The following PAN3 variants were observed in gnomAD, a reference collection of about 807,000 sequenced individuals.
The protein encoded by PAN3 is poly(A) specific ribonuclease subunit PAN3.
A neutral mutation model predicts 96.2 loss-of-function variants in PAN3; 19 were observed. The observed-to-expected ratio is 0.20, with a 90% CI of 0.14 to 0.29. The LOEUF is 0.29. Among genes scored for constraint, PAN3 ranks in the 10% least tolerant of loss-of-function variants. The pLI is 1.00. For missense variants in PAN3, 882 were observed against 1,108.1 expected (o/e 0.80, Z 2.90); for synonymous variants, 433 against 406.6 (o/e 1.06, Z -0.78).
intron 6 of PAN3, among the ~76,000 whole-genome samples, chr13:28,244,298 T>C (rs766383394): frequency 1.1e-4 from 17 of 152,208 alleles, no homozygotes; most frequent in Non-Finnish European, 2.1e-4. Context: ...CATAACAGCA[T>C]ATTTTAAAAA....
At chr13:28,248,812 A>G (rs965957373) in intron 6 of PAN3, among the ~76,000 whole-genome samples, 15 of 152,234 alleles carry the variant, frequency 9.9e-5, no homozygotes, top group African/African-American at 3.1e-4. Context: ...AAGGCTTTTA[A>G]CTTTTCTCAT....
intron 1 of PAN3, among the ~76,000 whole-genome samples, chr13:28,150,655 G>T (rs1039166175): frequency 4.8e-5 from 7 of 147,062 alleles, no homozygotes; most frequent in Admixed American, 2.0e-4. Context: ...AAAAAAAAAA[G>T]ATTTAATGTA....
chr13:28,220,127 T>C, intron 5 of PAN3, 104 bp from the exon 6 acceptor site: 1 of 1,089,330 alleles, frequency 9.2e-7, no homozygotes, highest in South Asian at 2.1e-5. Context: ...CTTTCAATAA[T>C]ATATTTTACT....
At chr13:28,263,954 CTA>C (rs1368506480) in intron 9 of PAN3, among the ~76,000 whole-genome samples, 8 of 152,150 alleles carry the variant, frequency 5.3e-5, no homozygotes, top group African/African-American at 1.9e-4. Flanking sequence ...AAACACCGCC[CTA>C]TGTTTCTGAC....
chr13:28,140,220 T>C (rs1869520446), intron 1 of PAN3, among the ~76,000 whole-genome samples: 1 of 152,158 alleles, frequency 6.6e-6, no homozygotes, highest in Non-Finnish European at 1.5e-5. Flanking sequence ...AGTGTGTTGT[T>C]ATCTATTGAC....
intron 1 of PAN3, among the ~76,000 whole-genome samples, chr13:28,157,436 A>G (rs530852067): frequency 9.2e-5 from 14 of 152,308 alleles, no homozygotes; most frequent in African/African-American, 3.1e-4. Flanking sequence ...TCTGTATATG[A>G]TATGATTTTA....
At chr13:28,188,707 T>C (rs1444372345) in intron 4 of PAN3, among the ~76,000 whole-genome samples, 5 of 152,240 alleles carry the variant, frequency 3.3e-5, no homozygotes, top group African/African-American at 9.6e-5. Context: ...ATTCACGGCA[T>C]TGGAAACTTT....
At chr13:28,245,247 G>A (rs911611705) in intron 6 of PAN3, among the ~76,000 whole-genome samples, 1 of 152,126 alleles carries the variant, frequency 6.6e-6, no homozygotes, top group Non-Finnish European at 1.5e-5. Context: ...TAACAAATGA[G>A]TGTTTATTCC....
At chr13:28,166,007 G>T (rs1181997966) in intron 1 of PAN3, among the ~76,000 whole-genome samples, 3 of 152,186 alleles carry the variant, frequency 2.0e-5, no homozygotes, top group Non-Finnish European at 4.4e-5. Flanking sequence ...GGGACATTCA[G>T]ACCATTGCAT....
chr13:28,263,007 C>T (rs2138629112), intron 9 of PAN3, among the ~76,000 whole-genome samples: 1 of 152,128 alleles, frequency 6.6e-6, no homozygotes, highest in Admixed American at 6.5e-5. Flanking sequence ...CATGTAGATC[C>T]AGTAGAATTC....
chr13:28,187,219 T>C (rs1302700130), intron 4 of PAN3, among the ~76,000 whole-genome samples: 1 of 151,948 alleles, frequency 6.6e-6, no homozygotes, highest in Non-Finnish European at 1.5e-5. Context: ...CCCAGCTACT[T>C]GGGAGACTGA....
chr13:28,246,581 A>G (rs972183665), intron 6 of PAN3, among the ~76,000 whole-genome samples: 3 of 152,010 alleles, frequency 2.0e-5, no homozygotes, highest in Non-Finnish European at 2.9e-5. Context: ...TCCCCCACCC[A>G]CCAACACTTC....
chr13:28,141,003 CTTTTT>C (rs979248659), intron 1 of PAN3, among the ~76,000 whole-genome samples: 2 of 112,910 alleles, frequency 1.8e-5, no homozygotes, highest in South Asian at 5.9e-4. Flanking sequence ...GAAAGAGACA[CTTTTT>C]TTTTTTTTTT....
chr13:28,259,038 GACTA>G (rs1885454251), intron 7 of PAN3, among the ~76,000 whole-genome samples: 1 of 152,110 alleles, frequency 6.6e-6, no homozygotes, highest in Non-Finnish European at 1.5e-5. Context: ...ACAGAAGGCT[GACTA>G]TGTGACATTT....
chr13:28,164,097 C>A (rs1028990603), intron 1 of PAN3, among the ~76,000 whole-genome samples: 4 of 152,044 alleles, frequency 2.6e-5, no homozygotes, highest in African/African-American at 7.2e-5. Flanking sequence ...AAAACAAAAC[C>A]AAACCAAAAC....
At chr13:28,261,806 C>T (rs1200634519) in intron 9 of PAN3, among the ~76,000 whole-genome samples, 11 of 123,752 alleles carry the variant, frequency 8.9e-5, no homozygotes, top group Admixed American at 6.4e-4. Context: ...GCACTCCAGC[C>T]GGGGTGACAG....
At position 28,256,468 on chromosome 13, in the gene PAN3, A is replaced by T. The variant is rs1177931934; in HGVS notation, c.1177A>T (p.Ile393Phe). The change falls in exon 7 of 19, where the codon ATC becomes TTC. Residue 393 changes from isoleucine to phenylalanine, a missense_variant. This residue lies in a region of PAN3 where 364 missense variants were observed against 513.6 expected (regional missense o/e 0.71). Coordinates refer to ENST00000380958, the MANE Select transcript of PAN3 (RefSeq NM_175854.8). ...VSQTPSSGQV[I>F]QKETVGGTTY... is the part of the protein sequence containing the mutation. The stretch of plus-strand genomic sequence containing the variant: ...TCAGACTCCGTCTTCTGGTCAGGTG[A>T]TCCAAAAGGAAACTGTTGGTGGGAC... 1.2e-6 allele frequency: 2 copies of T among 1,613,690 alleles called. No individual in the cohort carries two copies. The highest frequency in any genetic ancestry group is 1.7e-5 in the Admixed American group (1 of 59,992).
chr13:28,241,951 A>G (rs752561594), intron 6 of PAN3, among the ~76,000 whole-genome samples: 2 of 151,290 alleles, frequency 1.3e-5, no homozygotes, highest in African/African-American at 2.5e-5. Flanking sequence ...ATTATCTTCA[A>G]TGTAGTTAGA....
intron 7 of PAN3, among the ~76,000 whole-genome samples, chr13:28,258,758 C>T (rs1406557299): frequency 1.3e-5 from 2 of 152,058 alleles, no homozygotes; most frequent in African/African-American, 2.4e-5. Flanking sequence ...GATTGATTCC[C>T]GGACGCCCAC....
Sources: allele counts gnomAD v4.1 joint callset (sites outside exome capture counted in the v4.1 genomes callset), GRCh38; gene constraint gnomAD v4.1.1; regional missense constraint gnomAD v4.1.1; transcripts MANE v1.5; gene names NCBI Gene and HGNC (gene_info 2026-07-23, HGNC 2026-07-21).